The following CREBBP variants were observed in gnomAD, a reference collection of about 807,000 sequenced individuals.
CREBBP encodes the protein CREB-binding protein.
In CREBBP, 19 loss-of-function variants were observed where a neutral mutation model predicts 265.0. The ratio of observed to expected loss-of-function variants is 0.07; its 90% CI spans 0.05 to 0.11. CREBBP has a LOEUF of 0.11. Among genes scored for constraint, CREBBP ranks in the 10% least tolerant of loss-of-function variants. CREBBP has a pLI of 1.00. For synonymous variants in CREBBP, 1,457 were observed against 1,223.7 expected, an observed-to-expected ratio of 1.19 and a Z score of -3.98; for missense variants, 2,525 against 3,219.0, an observed-to-expected ratio of 0.78 and a Z score of 5.22.
intron 8 of CREBBP, among the ~76,000 whole-genome samples, chr16:3,780,440 C>T (rs955058559): frequency 6.6e-6 from 1 of 152,154 alleles, no homozygotes; most frequent in African/African-American, 2.4e-5. Flanking sequence ...TGCAGAAGCA[C>T]ATTAAGGCCG....
intron 3 of CREBBP, 70 bp downstream of exon 3, chr16:3,810,533 G>C: frequency 6.4e-7 from 1 of 1,557,168 alleles, no homozygotes; most frequent in Non-Finnish European, 8.8e-7. Context: ...TTCACTGTGA[G>C]AATGGTAAAA....
At chr16:3,740,304 G>A in intron 24 of CREBBP, 95 bp downstream of exon 24, 2 of 1,487,376 alleles carry the variant, frequency 1.3e-6, no homozygotes, top group Non-Finnish European at 1.9e-6. Flanking sequence ...GTCTTGGAAG[G>A]ATGACCTCAA....
rs140708841 is a variant in CREBBP, at chr16:3,850,420, C to T, written c.675G>A (p.Pro225=). 8.9e-5 allele frequency: 143 copies of T among 1,614,100 alleles called. No individual in the cohort carries two copies. Among genetic ancestry groups the T allele is most frequent in the Non-Finnish European group, 1.1e-4 (134 of 1,180,054 alleles). Residue 225 remains proline, a synonymous_variant, in exon 2 of 31, where the codon CCG becomes CCA. Transcript: ENST00000262367. The part of the protein sequence containing the change: ...AAGRGRGAGM[P]YPTPAMQGAS... ...CGCCCTGCATGGCTGGAGTAGGGTA[C>T]GGCATTCCAGCTCCCCTTCCTCTGC...
chr16:3,848,346 C>T (rs2054712858), intron 2 of CREBBP, among the ~76,000 whole-genome samples: 1 of 152,078 alleles, frequency 6.6e-6, no homozygotes, highest in Non-Finnish European at 1.5e-5. Context: ...AAGTGCAGTC[C>T]AGGGTCCCAG....
At chr16:3,784,997 A>G (rs2053353197) in intron 5 of CREBBP, among the ~76,000 whole-genome samples, 1 of 152,246 alleles carries the variant, frequency 6.6e-6, no homozygotes, top group Admixed American at 6.5e-5. Context: ...AAAATTCAGA[A>G]GCAAAGGAAA....
At position 3,792,102 on chromosome 16, in the gene CREBBP, C is replaced by A; in HGVS notation, c.1217-8G>T. ...AAGATGCACAATGGGCAACTATGAC[C>A]AGAAAAACAACGAGATGTTATTTTT... On this transcript the variant is annotated splice_region_variant and splice_polypyrimidine_tract_variant and intron_variant, in intron 4 of 30. Transcript: ENST00000262367. 1 of 1,599,110 alleles carries A rather than the reference C, an allele frequency of 6.3e-7. No homozygotes were observed. The highest frequency in any genetic ancestry group is 8.6e-7 in the Non-Finnish European group (1 of 1,166,330).
At chr16:3,794,257 G>A (rs1195128791) in intron 3 of CREBBP, among the ~76,000 whole-genome samples, 1 of 142,782 alleles carries the variant, frequency 7.0e-6, no homozygotes, top group Non-Finnish European at 1.5e-5. Context: ...GTGTGAACCC[G>A]GGAGGCGGAG....
At chr16:3,740,698 T>C (rs888653882) in intron 23 of CREBBP, 149 bp from the exon 24 acceptor site, 14 of 953,842 alleles carry the variant, frequency 1.5e-5, no homozygotes, top group Non-Finnish European at 2.0e-5. Flanking sequence ...TAATCTGTCC[T>C]GTGACACGAG....
Position 3,859,812 on chromosome 16 carries a change from T to C in CREBBP, c.86-8803A>G, listed in dbSNP as rs74436605. Among the ~76,000 whole-genome samples the C allele has an allele frequency of 6.7e-3, 1,013 of 152,300 alleles. 9 individuals are homozygous for C. The highest frequency in any genetic ancestry group is 0.017 in the Middle Eastern group (5 of 294). ...ACCTGGACGGGGCAAAAAGGCTACA[T>C]GGCCCTCTCACACGCCTTGCCCTAT... On this transcript the variant is annotated intron_variant, in intron 1 of 30. Transcript: ENST00000262367.
chr16:3,810,363 C>A (rs1444199773), intron 3 of CREBBP, among the ~76,000 whole-genome samples: 1 of 152,142 alleles, frequency 6.6e-6, no homozygotes, highest in Non-Finnish European at 1.5e-5. Context: ...TGAATTCTCT[C>A]CATCAACAAA....
In CREBBP at chr16:3,745,656, C is replaced by A. The variant is rs544383495; in HGVS notation, c.3837-302G>T. The stretch of plus-strand genomic sequence containing the variant: ...ATTGCTGCGACAAATACATATTTCA[C>A]AGGCCGGTATTTCTGACACTGCTAC... On this transcript the variant is annotated intron_variant, in intron 21 of 30. Transcript: ENST00000262367. The A allele has an allele frequency of 1.7e-4, 75 of 449,670 alleles. 1 individual carries two copies. Among genetic ancestry groups the A allele is most frequent in the African/African-American group, 1.4e-3 (72 of 50,678 alleles). 27.9% of individuals were successfully genotyped at this position (449,670 alleles called of 1,614,324 possible). A position where few individuals can be genotyped will look rare whatever the true frequency, so the allele number is the denominator to read the frequency against.
rs750251074 is a variant in CREBBP at position 3,728,162 on chromosome 16, A to C, written c.6885T>G (p.Ile2295Met). 6.2e-7 allele frequency: 1 copy of C among 1,614,058 alleles called. No individual in the cohort carries two copies. Among genetic ancestry groups the C allele is most frequent in the Non-Finnish European group, 8.5e-7 (1 of 1,180,000 alleles). ...GCTGCTTCATCTGCTGTTGCTGCAG[A>C]ATCCGCTGCTGCAGGGCTTGCTGGA... ...PNIQQALQQR[I>M]LQQQQMKQQI... Residue 2295 changes from isoleucine to methionine, a missense_variant, in exon 31 of 31, where the codon ATT (isoleucine) becomes ATG (methionine). Physicochemically the swap from Ile to Met is conservative, Grantham distance 10. Coordinates refer to ENST00000262367, the MANE Select transcript of CREBBP (RefSeq NM_004380.3). The surrounding 1 kb of genome is among the most constrained non-coding windows in gnomAD (Gnocchi z 8.7).
chr16:3,795,607 C>T (rs557177355), intron 3 of CREBBP, among the ~76,000 whole-genome samples: 1 of 152,292 alleles, frequency 6.6e-6, no homozygotes, highest in Non-Finnish European at 1.5e-5. Context: ...ACTGGAATCC[C>T]TGGCCCCTCC....
At position 3,773,894 on chromosome 16, in the gene CREBBP, T is replaced by A. The variant is rs759750843; in HGVS notation, c.2320A>T (p.Asn774Tyr). 6.2e-7 allele frequency: 1 copy of A among 1,612,148 alleles called. No homozygotes were observed. Among genetic ancestry groups the A allele is most frequent in the African/African-American group, 1.3e-5 (1 of 74,842 alleles). The stretch of plus-strand genomic sequence containing the variant: ...TTGTTGGTGTGTGCACCCATCATGT[T>A]CGGAGGCTGAGGCATTCGGGAAGGA... ...ISPSRMPQPP[N>Y]MMGAHTNNMM... The change falls in exon 13 of 31, where the codon AAC becomes TAC. Residue 774 changes from asparagine to tyrosine, a missense_variant. By Grantham distance (143) the Asn-to-Tyr change is moderately radical (BLOSUM62 -2). Coordinates refer to ENST00000262367, the MANE Select transcript of CREBBP (RefSeq NM_004380.3).
At chr16:3,812,071 T>A (rs898520053) in intron 2 of CREBBP, among the ~76,000 whole-genome samples, 1 of 152,000 alleles carries the variant, frequency 6.6e-6, no homozygotes, top group Non-Finnish European at 1.5e-5. Context: ...GAAAAGGGCA[T>A]AGATGGAGAG....
intron 16 of CREBBP, 70 bp downstream of exon 16, chr16:3,767,650 T>C: frequency 6.3e-7 from 1 of 1,594,314 alleles, no homozygotes; most frequent in Non-Finnish European, 8.6e-7. Context: ...TAGCTTTTAA[T>C]CCTCCACATG....
chr16:3,779,171 A>AAAG (rs1212391440), intron 8 of CREBBP, among the ~76,000 whole-genome samples: 17 of 151,610 alleles, frequency 1.1e-4, no homozygotes, highest in African/African-American at 2.9e-4. Context: ...CATACCAAAA[A>AAAG]AAGAAGAAAA....
chr16:3,866,607 G>A (rs376494521), intron 1 of CREBBP, among the ~76,000 whole-genome samples: 1 of 151,354 alleles, frequency 6.6e-6, no homozygotes, highest in East Asian at 1.9e-4. Context: ...TTTTTAACTA[G>A]TTTTTCTTTT....
chr16:3,821,813 TGAG>T (rs1221849683), intron 2 of CREBBP, among the ~76,000 whole-genome samples: 1 of 152,202 alleles, frequency 6.6e-6, no homozygotes, highest in Non-Finnish European at 1.5e-5. Flanking sequence ...GTGGATCACC[TGAG>T]GTCAGGAGTT....
Sources: gnomAD v4.1 joint callset for allele counts (sites outside exome capture counted in the v4.1 genomes callset) on GRCh38, gnomAD v4.1.1 for gene constraint, Gnocchi (gnomAD v3.1) non-coding constraint, MANE v1.5 for transcripts, NCBI Gene and HGNC (gene_info 2026-07-23, HGNC 2026-07-21) for gene names.